Variants in RSF1 observed in about 807,000 individuals in gnomAD.
The protein encoded by RSF1 is remodeling and spacing factor 1.
A neutral mutation model predicts 145.2 loss-of-function variants in RSF1; 13 were observed. The ratio of observed to expected loss-of-function variants is 0.09; its 90% CI spans 0.06 to 0.14. The LOEUF is 0.14. Among genes scored for constraint, RSF1 ranks in the 10% least tolerant of loss-of-function variants. RSF1 has a pLI of 1.00. For synonymous variants in RSF1, 577 were observed against 592.6 expected (o/e 0.97, Z 0.38); for missense variants, 1,517 against 1,718.2 (o/e 0.88, Z 2.07).
At chr11:77,739,560 G>C (rs1396495468) in intron 4 of RSF1, 3 of 152,134 alleles carry the variant, frequency 2.0e-5, no homozygotes, top group African/African-American at 4.8e-5. Context: ...TATTCTTAGG[G>C]AATGAAAATT....
chr11:77,750,849 T>C (rs1948055366), intron 2 of RSF1, among the ~76,000 whole-genome samples: 1 of 152,228 alleles, frequency 6.6e-6, no homozygotes, highest in Non-Finnish European at 1.5e-5. Context: ...TTGTTCTTTG[T>C]TTGATTATCT....
upstream of RSF1, among the ~76,000 whole-genome samples, chr11:77,825,041 C>G (rs1356561207): frequency 6.6e-6 from 1 of 152,086 alleles, no homozygotes; most frequent in Non-Finnish European, 1.5e-5. Flanking sequence ...AGTGCAGTGA[C>G]GCGATCTCAG....
At chr11:77,791,298 A>G (rs1948514646) in intron 1 of RSF1, among the ~76,000 whole-genome samples, 1 of 152,186 alleles carries the variant, frequency 6.6e-6, no homozygotes, top group African/African-American at 2.4e-5. Flanking sequence ...GGCCCCTTTT[A>G]GTCATGGCTG....
chr11:77,816,212 C>T (rs1046200957), intron 1 of RSF1, among the ~76,000 whole-genome samples: 46 of 152,326 alleles, frequency 3.0e-4, no homozygotes, highest in Middle Eastern at 3.4e-3. Flanking sequence ...TGTATGTATG[C>T]CCTACCAGTG....
chr11:77,839,885 T>G, the RSF1 span, among the ~76,000 whole-genome samples: 1 of 152,036 alleles, frequency 6.6e-6, no homozygotes, highest in Non-Finnish European at 1.5e-5. Context: ...AATACCTAGG[T>G]GATGGGTTGA....
At chr11:77,740,087 A>G (rs1961471764) in intron 4 of RSF1, among the ~76,000 whole-genome samples, 1 of 152,250 alleles carries the variant, frequency 6.6e-6, no homozygotes. Flanking sequence ...AGAAAACTAT[A>G]GCTAAAGGCT....
intron 1 of RSF1, among the ~76,000 whole-genome samples, chr11:77,801,016 A>G (rs755038053): frequency 6.6e-6 from 1 of 152,162 alleles, no homozygotes; most frequent in Admixed American, 6.5e-5. Flanking sequence ...CTCTCTCAAA[A>G]AAAAAAAGAA....
chr11:77,839,898 G>A, the RSF1 span, among the ~76,000 whole-genome samples: 1 of 152,116 alleles, frequency 6.6e-6, no homozygotes, highest in East Asian at 1.9e-4. Context: ...TGGGTTGATA[G>A]GTGCAGCAAA....
chr11:77,672,521 C>T (rs1959583118), intron 14 of RSF1, among the ~76,000 whole-genome samples: 1 of 151,812 alleles, frequency 6.6e-6, no homozygotes, highest in Non-Finnish European at 1.5e-5. Context: ...TGCACTACCA[C>T]TCCTGGCTAC....
At chr11:77,734,750 C>A (rs1961298892) in intron 4 of RSF1, 5 of 1,540,830 alleles carry the variant, frequency 3.2e-6, no homozygotes, top group Non-Finnish European at 3.6e-6. Context: ...CTCTCCCAGT[C>A]ATCACAGTCT....
intron 2 of RSF1, 72 bp downstream of exon 2, chr11:77,764,526 T>G: frequency 1.1e-6 from 1 of 890,922 alleles, no homozygotes. Context: ...ATGTGTATTA[T>G]AAAACATAAT....
At chr11:77,826,037 C>A in the RSF1 span, among the ~76,000 whole-genome samples, 1 of 152,062 alleles carries the variant, frequency 6.6e-6, no homozygotes. Context: ...TCTGACAAGC[C>A]TGGCTAAGAT....
intron 1 of RSF1, among the ~76,000 whole-genome samples, chr11:77,767,843 T>C (rs988508429): frequency 6.6e-6 from 1 of 152,184 alleles, no homozygotes. Context: ...CACAGAATCA[T>C]GAAAGATTTT....
rs2135992110 is a variant in RSF1, at chr11:77,815,541, C to T, written c.187+4987G>A. ...GCCTGAATTATTCTTTTTCATATTG[C>T]ATGTGGTCATACATCTCACCATAAA... is the stretch of plus-strand genomic sequence containing the variant. On this transcript the variant is annotated intron_variant, in intron 1 of 15. Transcript: ENST00000308488. Among the ~76,000 whole-genome samples the T allele has an allele frequency of 1.3e-5, 2 of 152,140 alleles. 1 individual carries two copies. Among genetic ancestry groups the T allele is most frequent in the South Asian group, 4.2e-4 (2 of 4,818 alleles).
At chr11:77,811,693 C>T (rs1475227266) in intron 1 of RSF1, among the ~76,000 whole-genome samples, 1 of 151,934 alleles carries the variant, frequency 6.6e-6, no homozygotes, top group Non-Finnish European at 1.5e-5. Context: ...AGCAGTTTGG[C>T]GTGATTAAAA....
At chr11:77,735,935 C>G (rs1041470360) in intron 4 of RSF1, among the ~76,000 whole-genome samples, 8 of 152,196 alleles carry the variant, frequency 5.3e-5, no homozygotes, top group Non-Finnish European at 1.0e-4. Context: ...GACGGAGTTT[C>G]ACCATGTTGG....
At chr11:77,774,340 C>T (rs757992681) in intron 1 of RSF1, among the ~76,000 whole-genome samples, 2 of 152,136 alleles carry the variant, frequency 1.3e-5, no homozygotes, top group Non-Finnish European at 1.5e-5. Flanking sequence ...TGGTAGCTCA[C>T]GCCTGTAATC....
In RSF1 at chr11:77,725,586, T is replaced by C; in HGVS notation, c.692A>G (p.Glu231Gly). Residue 231 changes from glutamate to glycine, a missense_variant, in exon 5 of 16, where the codon GAG becomes GGG. Physicochemically the swap from Glu to Gly is moderately conservative, Grantham distance 98. Coordinates refer to ENST00000308488, the MANE Select transcript of RSF1 (RefSeq NM_016578.4). ...TTCCTCTTTTTTAGTCTCCTCATCC[T>C]CTAAGCTGGGACTTTCCCGAGAAGA... is the stretch of plus-strand genomic sequence containing the variant. Reference protein sequence around the residue: ...DNSSRESPSLEDEETKKEEET... With the variant: ...DNSSRESPSLGDEETKKEEET... 6.2e-7 allele frequency: 1 copy of C among 1,605,428 alleles called. No homozygotes were observed. Among genetic ancestry groups the C allele is most frequent in the Non-Finnish European group, 8.5e-7 (1 of 1,175,114 alleles).
At chr11:77,688,778 A>G (rs1960075262) in intron 9 of RSF1, among the ~76,000 whole-genome samples, 1 of 152,192 alleles carries the variant, frequency 6.6e-6, no homozygotes, top group Non-Finnish European at 1.5e-5. Context: ...AGAAAGAAAG[A>G]AATAACCTAG....
Sources: gnomAD v4.1 joint callset for allele counts (sites outside exome capture counted in the v4.1 genomes callset) on GRCh38, gnomAD v4.1.1 for gene constraint, MANE v1.5 for transcripts, NCBI Gene and HGNC (gene_info 2026-07-23, HGNC 2026-07-21) for gene names.